The following STAT5B variants were observed in gnomAD, a reference collection of about 807,000 sequenced individuals.
STAT5B encodes transcription factor STAT5B.
Under a neutral mutation model 107.8 loss-of-function variants are expected in STAT5B, and 21 were observed. The observed-to-expected ratio is 0.19, with a 90% confidence interval of 0.14 to 0.28. STAT5B has a LOEUF of 0.28. STAT5B is among the 10% of genes least tolerant of loss of function. The pLI, the probability that STAT5B is intolerant of heterozygous loss-of-function variation, is 1.00. For missense variants in STAT5B, 565 were observed against 1,008.2 expected, an observed-to-expected ratio of 0.56 and a Z score of 5.95; for synonymous variants, 325 against 401.7, an observed-to-expected ratio of 0.81 and a Z score of 2.28.
At chr17:42,235,303 C>G (rs2080347907) in intron 1 of STAT5B, 1 of 152,160 alleles carries the variant, frequency 6.6e-6, no homozygotes, top group Admixed American at 6.5e-5. Context: ...ACCGTGCTTT[C>G]TCCTGGGTCT....
chr17:42,278,844 T>A (rs1376551523), upstream of STAT5B, among the ~76,000 whole-genome samples: 2 of 151,780 alleles, frequency 1.3e-5, no homozygotes, highest in African/African-American at 4.8e-5. Flanking sequence ...CTGGACGTGG[T>A]GGTGCGCGCC....
chr17:42,222,182 CTG>C (rs1443142276), intron 5 of STAT5B, among the ~76,000 whole-genome samples: 2 of 138,324 alleles, frequency 1.4e-5, no homozygotes, highest in Admixed American at 7.2e-5. Context: ...TGTGTGTGTG[CTG>C]TGTTGTCTGT....
chr17:42,214,546 A>ATGCTG, intron 12 of STAT5B: 1 of 985,460 alleles, frequency 1.0e-6, no homozygotes, highest in Non-Finnish European at 1.2e-6. Flanking sequence ...AAGGTAACCC[A>ATGCTG]TGCTGTCCAT....
intron 2 of STAT5B, 116 bp downstream of exon 2, chr17:42,231,884 C>T (rs1483446569): frequency 6.7e-7 from 1 of 1,498,736 alleles, no homozygotes; most frequent in East Asian, 2.4e-5. Flanking sequence ...TTATGGATCA[C>T]ATTTAAAAAT....
At chr17:42,261,087 T>G (rs2080592262) in intron 1 of STAT5B, among the ~76,000 whole-genome samples, 1 of 152,100 alleles carries the variant, frequency 6.6e-6, no homozygotes, top group Non-Finnish European at 1.5e-5. Flanking sequence ...TTTTGTATTT[T>G]TAGTAGAGAC....
At chr17:42,258,403 G>T (rs1049590847) in intron 1 of STAT5B, among the ~76,000 whole-genome samples, 1 of 152,200 alleles carries the variant, frequency 6.6e-6, no homozygotes, top group Admixed American at 6.5e-5. Context: ...TTAAGGCTGG[G>T]CACGGTAGCT....
intron 1 of STAT5B, among the ~76,000 whole-genome samples, chr17:42,244,092 C>CTT (rs201312693): frequency 7.1e-6 from 1 of 140,740 alleles, no homozygotes; most frequent in Non-Finnish European, 1.5e-5. Context: ...CTTTTCTTTT[C>CTT]TTTTTTTTTT....
intron 16 of STAT5B, among the ~76,000 whole-genome samples, chr17:42,205,146 G>T (rs2080075732): frequency 6.6e-6 from 1 of 152,044 alleles, no homozygotes; most frequent in Non-Finnish European, 1.5e-5. Context: ...TCTTGCCTCA[G>T]CCTCCTGAGT....
intron 12 of STAT5B, among the ~76,000 whole-genome samples, chr17:42,214,876 C>G (rs950263022): frequency 3.3e-5 from 5 of 152,280 alleles, no homozygotes; most frequent in African/African-American, 9.6e-5. Context: ...CAGCCCCCCC[C>G]AAGTAGCTGG....
chr17:42,224,201 A>C (rs1038503910), intron 4 of STAT5B, among the ~76,000 whole-genome samples: 1 of 152,202 alleles, frequency 6.6e-6, no homozygotes, highest in Admixed American at 6.6e-5. Flanking sequence ...GTCTTTCCTA[A>C]GTATTCTCAC....
At chr17:42,231,278 T>C (rs2080315412) in intron 2 of STAT5B, among the ~76,000 whole-genome samples, 1 of 151,848 alleles carries the variant, frequency 6.6e-6, no homozygotes, top group Non-Finnish European at 1.5e-5. Flanking sequence ...GTAGCTGGGA[T>C]TATAGGTGTG....
rs113480128 is a variant in STAT5B at position 42,262,185 on chromosome 17, G to T, written c.-11+14063C>A. Among the ~76,000 whole-genome samples the T allele has an allele frequency of 3.8e-3, 578 of 151,986 alleles. 4 individuals carry two copies. The highest frequency in any genetic ancestry group is 0.013 in the African/African-American group (554 of 41,444). ...ATTCTTTTATTTTTATTCTGAGACA[G>T]GGTCTTTCTCTGTCACCCAGGCTAG... On this transcript the variant is annotated intron_variant, in intron 1 of 18. Coordinates refer to ENST00000293328, the MANE Select transcript of STAT5B (RefSeq NM_012448.4).
intron 1 of STAT5B, among the ~76,000 whole-genome samples, chr17:42,247,393 C>T (rs926888670): frequency 1.3e-5 from 2 of 152,196 alleles, no homozygotes; most frequent in Admixed American, 6.5e-5. Flanking sequence ...TTAGACATAA[C>T]TTGAATATGT....
intron 1 of STAT5B, among the ~76,000 whole-genome samples, chr17:42,253,096 T>A (rs977440942): frequency 6.6e-6 from 1 of 150,848 alleles, no homozygotes; most frequent in African/African-American, 2.5e-5. Flanking sequence ...ATCAGTCTGA[T>A]AGACGTTGAA....
chr17:42,244,770 A>C (rs2144337831), intron 1 of STAT5B, among the ~76,000 whole-genome samples: 1 of 152,326 alleles, frequency 6.6e-6, no homozygotes, highest in East Asian at 1.9e-4. Context: ...GAAATAACCA[A>C]AATGTCCAAA....
intron 1 of STAT5B, among the ~76,000 whole-genome samples, chr17:42,249,644 AGG>A (rs896357584): frequency 6.6e-6 from 1 of 152,048 alleles, no homozygotes; most frequent in Non-Finnish European, 1.5e-5. Flanking sequence ...CATAACAAAA[AGG>A]GGAAGAGGAT....
At chr17:42,208,925 G>A (rs920291744) in intron 15 of STAT5B, among the ~76,000 whole-genome samples, 1 of 152,108 alleles carries the variant, frequency 6.6e-6, no homozygotes, top group African/African-American at 2.4e-5. Flanking sequence ...GTAGAGACGG[G>A]GGTTTCACTG....
At chr17:42,287,333 C>CCCCA in the STAT5B span, among the ~76,000 whole-genome samples, 35 of 150,712 alleles carry the variant, frequency 2.3e-4, no homozygotes, top group East Asian at 2.3e-3. Flanking sequence ...AGAATGCACC[C>CCCCA]CCCCCAACAG....
chr17:42,212,552 A>G (rs961816844), intron 12 of STAT5B, among the ~76,000 whole-genome samples: 7 of 152,202 alleles, frequency 4.6e-5, no homozygotes, highest in Non-Finnish European at 8.8e-5. Context: ...TCCTCTAGGT[A>G]CAAACAGAGA....
Sources: gnomAD v4.1 joint callset for allele counts (sites outside exome capture counted in the v4.1 genomes callset) on GRCh38, gnomAD v4.1.1 for gene constraint, MANE v1.5 for transcripts, NCBI Gene and HGNC (gene_info 2026-07-23, HGNC 2026-07-21) for gene names.